LRP1B: variants seen among roughly 807,000 people sequenced by gnomAD.
LRP1B encodes the protein low-density lipoprotein receptor-related protein 1B.
In LRP1B, 217 loss-of-function variants were observed where a neutral mutation model predicts 556.6. The ratio of observed to expected loss-of-function variants is 0.39; its 90% CI spans 0.35 to 0.44. The LOEUF is 0.44. LRP1B is among the 20% of genes least tolerant of loss of function. LRP1B has a pLI of 1.00. For missense variants in LRP1B, 5,053 were observed against 5,620.8 expected (o/e 0.90, Z 3.23); for synonymous variants, 2,047 against 1,865.8 (o/e 1.10, Z -2.50).
At position 141,229,254 on chromosome 2, in the gene LRP1B, T is replaced by C; in HGVS notation, c.779A>G (p.Lys260Arg). 7.4e-6 allele frequency: 12 copies of C among 1,611,506 alleles called. No homozygotes were observed. Among genetic ancestry groups the C allele is most frequent in the Non-Finnish European group, 1.0e-5 (12 of 1,177,838 alleles). Residue 260 changes from lysine (K) to arginine (R), a missense_variant, in exon 6 of 91, where the codon AAA (lysine) becomes AGA (arginine). Around this residue, in one of 5 missense-constraint regions of LRP1B, gnomAD observed 3,619 missense variants for 3,931.9 expected, o/e 0.92. Coordinates refer to ENST00000389484, the MANE Select transcript of LRP1B (RefSeq NM_018557.3). ...IESRESSNQL[K>R]CIQITKAGGL... Reference sequence around the variant, plus strand: ...TCCTGCTTTTGTTATCTGGATACATTTGAGTTGATTTGAAGATTCTCTTGA... The same window carrying C: ...TCCTGCTTTTGTTATCTGGATACATCTGAGTTGATTTGAAGATTCTCTTGA...
chr2:141,452,878 T>C (rs1373989381), intron 3 of LRP1B, among the ~76,000 whole-genome samples: 1 of 152,184 alleles, frequency 6.6e-6, no homozygotes, highest in Non-Finnish European at 1.5e-5. Flanking sequence ...CTGTACTTCC[T>C]GGAGGTTATT....
intron 3 of LRP1B, among the ~76,000 whole-genome samples, chr2:141,341,454 TCTCCCTCTTTCC>T (rs1473296360): frequency 2.6e-5 from 4 of 152,002 alleles, no homozygotes; most frequent in South Asian, 4.1e-4. Flanking sequence ...AAATGTCTTC[TCTCCCTCTTTCC>T]CTCCCTCTCT....
chr2:141,476,641 A>G (rs1349993634), intron 3 of LRP1B, among the ~76,000 whole-genome samples: 1 of 152,190 alleles, frequency 6.6e-6, no homozygotes, highest in Non-Finnish European at 1.5e-5. Context: ...AATCATTAAT[A>G]ATAGATATCT....
chr2:140,582,540 G>A (rs181108793), intron 43 of LRP1B, among the ~76,000 whole-genome samples: 25 of 152,300 alleles, frequency 1.6e-4, no homozygotes, highest in African/African-American at 6.0e-4. Flanking sequence ...TGAGGGAAGA[G>A]ATCTCATTAG....
At chr2:141,582,154 T>A (rs182661647) in intron 2 of LRP1B, among the ~76,000 whole-genome samples, 1 of 152,364 alleles carries the variant, frequency 6.6e-6, no homozygotes, top group East Asian at 1.9e-4. Context: ...TAGGTTTTTA[T>A]TTTTTATTTT....
intron 6 of LRP1B, among the ~76,000 whole-genome samples, chr2:141,223,308 A>G (rs300390): frequency 0.41 from 62,272 of 151,916 alleles, 13,805 homozygotes; most frequent in Middle Eastern, 0.59. Flanking sequence ...AGAATAAAAC[A>G]CCTAGGAATA....
intron 3 of LRP1B, among the ~76,000 whole-genome samples, chr2:141,387,878 C>T (rs1689888796): frequency 6.6e-6 from 1 of 152,034 alleles, no homozygotes; most frequent in Non-Finnish European, 1.5e-5. Flanking sequence ...ACCAATATCC[C>T]TTACGGATAG....
intron 3 of LRP1B, among the ~76,000 whole-genome samples, chr2:141,394,789 G>A (rs527252689): frequency 2.0e-5 from 3 of 152,064 alleles, no homozygotes; most frequent in South Asian, 4.1e-4. Flanking sequence ...ACTTGCACAC[G>A]GATTCTTCCT....
At chr2:142,028,321 G>T (rs1285969344) in intron 1 of LRP1B, among the ~76,000 whole-genome samples, 1 of 151,922 alleles carries the variant, frequency 6.6e-6, no homozygotes, top group Non-Finnish European at 1.5e-5. Context: ...ATTATCTTGT[G>T]CTGTCCCTTT....
chr2:141,789,461 T>C (rs933490063), intron 2 of LRP1B, among the ~76,000 whole-genome samples: 1 of 152,006 alleles, frequency 6.6e-6, no homozygotes, highest in Middle Eastern at 3.2e-3. Flanking sequence ...TTATTGACCA[T>C]ATTAACAACA....
intron 32 of LRP1B, among the ~76,000 whole-genome samples, chr2:140,783,158 A>G (rs1303302161): frequency 1.3e-5 from 2 of 152,096 alleles, no homozygotes; most frequent in African/African-American, 4.8e-5. Flanking sequence ...TACATTTTTT[A>G]TAATGCTTTA....
chr2:141,148,815 G>A (rs1701848414), intron 7 of LRP1B, among the ~76,000 whole-genome samples: 1 of 152,190 alleles, frequency 6.6e-6, no homozygotes, highest in South Asian at 2.1e-4. Context: ...CGGGCATGGT[G>A]GTTCACGCCT....
At chr2:140,873,938 G>GTT (rs148679529) in intron 25 of LRP1B, among the ~76,000 whole-genome samples, 4 of 150,386 alleles carry the variant, frequency 2.7e-5, no homozygotes, top group East Asian at 2.0e-4. Context: ...AAATAAAGAG[G>GTT]TTTTTTTTTG....
intron 41 of LRP1B, among the ~76,000 whole-genome samples, chr2:140,687,044 G>T (rs1219875932): frequency 6.6e-6 from 1 of 152,096 alleles, no homozygotes; most frequent in Non-Finnish European, 1.5e-5. Context: ...GATAGAGTAG[G>T]CCAGATGTGA....
chr2:140,934,534 T>G lies in LRP1B; in HGVS notation c.3137-11387A>C, dbSNP rs1573896368. ...CCTTAGATGGTAAATTGTAGTTAATTTAGGTCAGTTTCAGCTCTTAGCACA... is the reference window on the plus strand; with the variant it reads ...CCTTAGATGGTAAATTGTAGTTAATGTAGGTCAGTTTCAGCTCTTAGCACA... On this transcript the variant is annotated intron_variant, in intron 20 of 90. Transcript: ENST00000389484. Among the ~76,000 whole-genome samples the G allele has an allele frequency of 2.6e-5, 4 of 152,176 alleles. No homozygotes were observed. The South Asian group carries it at 6.2e-4, about 24-fold the overall frequency.
At chr2:141,069,714 A>G (rs1424635005) in intron 7 of LRP1B, among the ~76,000 whole-genome samples, 1 of 152,094 alleles carries the variant, frequency 6.6e-6, no homozygotes, top group Non-Finnish European at 1.5e-5. Context: ...ACTGTGAGGC[A>G]TCCCTCATTC....
At chr2:141,128,753 T>C (rs62173724) in intron 7 of LRP1B, among the ~76,000 whole-genome samples, 11,968 of 152,284 alleles carry the variant, frequency 0.079, 618 homozygotes, top group Middle Eastern at 0.19. Flanking sequence ...CCCGAGTAGC[T>C]GGGATTACAG....
At chr2:141,741,261 TCC>T (rs1693691392) in intron 2 of LRP1B, among the ~76,000 whole-genome samples, 1 of 145,230 alleles carries the variant, frequency 6.9e-6, no homozygotes, top group East Asian at 2.0e-4. Flanking sequence ...TATACTGATT[TCC>T]TTTTTTTTTT....
At chr2:140,334,765 G>A (rs998424738) in intron 78 of LRP1B, among the ~76,000 whole-genome samples, 7 of 151,964 alleles carry the variant, frequency 4.6e-5, no homozygotes, top group Non-Finnish European at 8.8e-5. Context: ...GCCTACACAC[G>A]TTAATATTTG....
Sources: gnomAD v4.1 joint callset for allele counts (sites outside exome capture counted in the v4.1 genomes callset) on GRCh38, gnomAD v4.1.1 for gene constraint, gnomAD v4.1.1 regional missense constraint, MANE v1.5 for transcripts, NCBI Gene and HGNC (gene_info 2026-07-23, HGNC 2026-07-21) for gene names.